The following TXNDC16 variants were observed in gnomAD, a reference collection of about 807,000 sequenced individuals.
TXNDC16 encodes thioredoxin domain-containing protein 16.
In TXNDC16, 74 loss-of-function variants were observed where a neutral mutation model predicts 85.6. The observed-to-expected ratio is 0.86, with a 90% confidence interval of 0.72 to 1.05. The LOEUF (loss-of-function observed/expected upper bound fraction) is 1.05, where lower values mean the gene tolerates loss of function less well. Among genes scored for constraint, TXNDC16 ranks in the 50% least tolerant of loss-of-function variants. TXNDC16 has a pLI of 0.00. For missense variants in TXNDC16, 959 were observed against 947.0 expected, an observed-to-expected ratio of 1.01 and a Z score of -0.17; for synonymous variants, 335 against 326.5, an observed-to-expected ratio of 1.03 and a Z score of -0.28.
chr14:52,504,392 C>G (rs1286013882), intron 9 of TXNDC16, among the ~76,000 whole-genome samples: 1 of 152,172 alleles, frequency 6.6e-6, no homozygotes, highest in Non-Finnish European at 1.5e-5. Context: ...CTCTACAAGC[C>G]AGAAGAGAGT....
At chr14:52,492,840 G>A (rs1346538611) in intron 9 of TXNDC16, among the ~76,000 whole-genome samples, 2 of 152,172 alleles carry the variant, frequency 1.3e-5, no homozygotes, top group Non-Finnish European at 2.9e-5. Flanking sequence ...GCCAAAGAGA[G>A]TCAGTACTAT....
At position 52,443,585 on chromosome 14, in the gene TXNDC16, G is replaced by A. The variant is rs533186549; in HGVS notation, c.1843-2861C>T. Among the ~76,000 whole-genome samples, 8 of 152,278 alleles carry A rather than the reference G, an allele frequency of 5.3e-5. No homozygotes were observed. In the South Asian group the frequency reaches 1.7e-3, roughly 32 times the overall value. On this transcript the variant is annotated intron_variant, in intron 18 of 20. Transcript: ENST00000281741. Reference sequence around the variant, plus strand: ...ATAGGGAACATCATGAAGATAGGCAGAGAGCTATTAAAGCATACATAATAT... The same window carrying A: ...ATAGGGAACATCATGAAGATAGGCAAAGAGCTATTAAAGCATACATAATAT...
intron 6 of TXNDC16, among the ~76,000 whole-genome samples, chr14:52,527,330 C>T (rs533306977): frequency 6.6e-6 from 1 of 152,178 alleles, no homozygotes; most frequent in Non-Finnish European, 1.5e-5. Flanking sequence ...AATAAGAGGA[C>T]ACCCCGCTGA....
intron 9 of TXNDC16, among the ~76,000 whole-genome samples, chr14:52,496,364 G>A (rs1310263310): frequency 1.3e-5 from 2 of 150,894 alleles, no homozygotes; most frequent in African/African-American, 4.9e-5. Flanking sequence ...CCTGTTCCCT[G>A]AACTTGAGAC....
chr14:52,549,773 G>C (rs1041417531), intron 1 of TXNDC16, among the ~76,000 whole-genome samples: 9 of 151,842 alleles, frequency 5.9e-5, no homozygotes, highest in Non-Finnish European at 1.0e-4. Context: ...AAGTAGCTAG[G>C]ACTACAGGCG....
At chr14:52,521,572 AAT>A (rs2140195942) in intron 6 of TXNDC16, among the ~76,000 whole-genome samples, 1 of 152,306 alleles carries the variant, frequency 6.6e-6, no homozygotes, top group East Asian at 1.9e-4. Context: ...GAAAAAGCCA[AAT>A]AATGCCTTAG....
At chr14:52,539,554 A>T (rs1418565141) in intron 4 of TXNDC16, among the ~76,000 whole-genome samples, 1 of 152,250 alleles carries the variant, frequency 6.6e-6, no homozygotes, top group Non-Finnish European at 1.5e-5. Context: ...ATCCTGATAC[A>T]TCTGGCTACA....
At chr14:52,548,680 G>A (rs533500756) in intron 1 of TXNDC16, among the ~76,000 whole-genome samples, 82 of 152,102 alleles carry the variant, frequency 5.4e-4, no homozygotes, top group African/African-American at 1.8e-3. Context: ...TCAGGAGTTC[G>A]AGACCAGCCT....
chr14:52,434,045 T>C (rs2034968450), intron 20 of TXNDC16, among the ~76,000 whole-genome samples: 1 of 151,948 alleles, frequency 6.6e-6, no homozygotes, highest in Non-Finnish European at 1.5e-5. Context: ...ATAAATTAGC[T>C]GGGCATGGTG....
At chr14:52,498,154 T>C (rs2036575816) in intron 9 of TXNDC16, among the ~76,000 whole-genome samples, 1 of 152,112 alleles carries the variant, frequency 6.6e-6, no homozygotes, top group Non-Finnish European at 1.5e-5. Flanking sequence ...TACCTCAAGA[T>C]ATTAAACAGC....
At chr14:52,536,680 T>C in intron 6 of TXNDC16, 39 bp downstream of exon 6, 1 of 1,491,140 alleles carries the variant, frequency 6.7e-7, no homozygotes, top group Non-Finnish European at 9.2e-7. Flanking sequence ...AACAGATAAG[T>C]AACAAGTAAA....
chr14:52,530,375 ATAT>A (rs1177684509), intron 6 of TXNDC16, among the ~76,000 whole-genome samples: 605 of 19,986 alleles, frequency 0.03, 52 homozygotes, highest in African/African-American at 0.068. Context: ...TTATTATATA[ATAT>A]TATATATAAT....
intron 6 of TXNDC16, among the ~76,000 whole-genome samples, chr14:52,536,462 A>C (rs2140221884): frequency 6.6e-6 from 1 of 152,330 alleles, no homozygotes; most frequent in South Asian, 2.1e-4. Flanking sequence ...TCACTCCTCC[A>C]GTTAGACCTC....
intron 18 of TXNDC16, among the ~76,000 whole-genome samples, chr14:52,443,205 A>G (rs11622109): frequency 0.1 from 15,948 of 152,018 alleles, 870 homozygotes; most frequent in South Asian, 0.14. Flanking sequence ...CAGACAGAAA[A>G]AAGTGTAAAG....
At chr14:52,455,833 T>C (rs1205446965) in intron 17 of TXNDC16, among the ~76,000 whole-genome samples, 1 of 152,238 alleles carries the variant, frequency 6.6e-6, no homozygotes, top group Non-Finnish European at 1.5e-5. Flanking sequence ...AGAAACCTAC[T>C]ATCTGCCAGG....
chr14:52,467,835 T>C (rs1353098506), intron 16 of TXNDC16, among the ~76,000 whole-genome samples: 1 of 151,938 alleles, frequency 6.6e-6, no homozygotes, highest in African/African-American at 2.4e-5. Context: ...AGCCAAGAGG[T>C]AGAAGTAACC....
At chr14:52,457,011 T>C in intron 17 of TXNDC16, 79 bp downstream of exon 17, 1 of 1,019,236 alleles carries the variant, frequency 9.8e-7, no homozygotes, top group South Asian at 1.5e-5. Flanking sequence ...CCATCAGCTG[T>C]GTAAATATAA....
At chr14:52,486,281 C>CTTTTT (rs35703912) in intron 12 of TXNDC16, among the ~76,000 whole-genome samples, 5 of 114,384 alleles carry the variant, frequency 4.4e-5, no homozygotes, top group Non-Finnish European at 7.1e-5. Flanking sequence ...ACACATGCTG[C>CTTTTT]TTTTTTTTTT....
intron 4 of TXNDC16, 49 bp from the exon 5 acceptor site, chr14:52,537,721 T>G (rs933864766): frequency 1.8e-6 from 2 of 1,110,152 alleles, no homozygotes; most frequent in African/African-American, 1.6e-5. Context: ...AAAGGTCAAG[T>G]TTCTTGGTTG....
Sources: allele counts gnomAD v4.1 joint callset (sites outside exome capture counted in the v4.1 genomes callset), GRCh38; gene constraint gnomAD v4.1.1; transcripts MANE v1.5; gene names NCBI Gene and HGNC (gene_info 2026-07-23, HGNC 2026-07-21).